Variants in CTNNA2 observed in about 807,000 individuals in gnomAD.
CTNNA2 encodes catenin alpha 2.
CTNNA2 carries 42 observed loss-of-function variants against 101.0 expected under a neutral mutation model. That is an observed-to-expected ratio of 0.42 (90% CI 0.32 to 0.54). The LOEUF (loss-of-function observed/expected upper bound fraction) is 0.54, where lower values mean the gene tolerates loss of function less well. Among genes scored for constraint, CTNNA2 ranks in the 20% least tolerant of loss-of-function variants. The pLI is 0.14. For synonymous variants in CTNNA2, 450 were observed against 456.4 expected, an observed-to-expected ratio of 0.99 and a Z score of 0.18; for missense variants, 871 against 1,223.1, an observed-to-expected ratio of 0.71 and a Z score of 4.29.
intron 3 of CTNNA2, among the ~76,000 whole-genome samples, chr2:79,344,883 A>C (rs986884379): frequency 1.4e-5 from 2 of 146,390 alleles, no homozygotes; most frequent in Non-Finnish European, 3.0e-5. Context: ...TATATATAAT[A>C]TATATATAAA....
At chr2:79,486,527 A>G (rs1053738633) in intron 4 of CTNNA2, among the ~76,000 whole-genome samples, 3 of 152,158 alleles carry the variant, frequency 2.0e-5, no homozygotes, top group African/African-American at 4.8e-5. Flanking sequence ...TGGTGCCACA[A>G]TAAACATACG....
intron 2 of CTNNA2, among the ~76,000 whole-genome samples, chr2:79,732,881 G>C (rs1444618500): frequency 6.6e-6 from 1 of 152,020 alleles, no homozygotes; most frequent in Non-Finnish European, 1.5e-5. Flanking sequence ...ATGTTTGCCA[G>C]TTGGGAGAAA....
intron 3 of CTNNA2, among the ~76,000 whole-genome samples, chr2:79,854,486 T>C (rs1030233733): frequency 1.3e-5 from 2 of 152,224 alleles, no homozygotes; most frequent in African/African-American, 4.8e-5. Flanking sequence ...AGCTCACATA[T>C]TTGGTAATAG....
At chr2:79,559,041 A>C (rs548778341) in intron 1 of CTNNA2, among the ~76,000 whole-genome samples, 2 of 151,866 alleles carry the variant, frequency 1.3e-5, no homozygotes, top group Non-Finnish European at 1.5e-5. Flanking sequence ...TCATACACTC[A>C]GCACCTATTA....
chr2:79,736,085 A>C (rs548369907), intron 2 of CTNNA2, among the ~76,000 whole-genome samples: 1 of 152,158 alleles, frequency 6.6e-6, no homozygotes, highest in Non-Finnish European at 1.5e-5. Flanking sequence ...AGTTTCTGTG[A>C]AAGTTTTATC....
intron 9 of CTNNA2, among the ~76,000 whole-genome samples, chr2:80,451,919 G>A (rs1259133675): frequency 6.6e-6 from 1 of 152,010 alleles, no homozygotes; most frequent in Non-Finnish European, 1.5e-5. Context: ...TACTAGAATA[G>A]GTTTAAGATA....
intron 1 of CTNNA2, among the ~76,000 whole-genome samples, chr2:79,536,807 T>C (rs1367112187): frequency 6.6e-6 from 1 of 151,546 alleles, no homozygotes; most frequent in Non-Finnish European, 1.5e-5. Context: ...GTTCAAGGAG[T>C]TCTCCTGCCT....
intron 7 of CTNNA2, chr2:80,028,247 A>G (rs1039604604): frequency 3.3e-5 from 5 of 152,004 alleles, no homozygotes; most frequent in African/African-American, 1.2e-4. Flanking sequence ...CCTCTTCCAT[A>G]TGACTTGTTG....
intron 18 of CTNNA2, among the ~76,000 whole-genome samples, chr2:80,635,770 C>A (rs999087873): frequency 2.9e-5 from 4 of 139,604 alleles, no homozygotes; most frequent in Admixed American, 2.2e-4. Context: ...TAGTGTTTGA[C>A]TGAGCTATGT....
intron 3 of CTNNA2, among the ~76,000 whole-genome samples, chr2:79,783,354 A>G (rs1308429376): frequency 6.6e-6 from 1 of 152,206 alleles, no homozygotes; most frequent in African/African-American, 2.4e-5. Flanking sequence ...TAGTATATCT[A>G]GTTAGCAGAA....
intron 3 of CTNNA2, among the ~76,000 whole-genome samples, chr2:79,776,760 C>T (rs771224604): frequency 6.6e-6 from 1 of 152,166 alleles, no homozygotes; most frequent in Non-Finnish European, 1.5e-5. Flanking sequence ...AATACATTTC[C>T]TAATTATGGA....
intron 1 of CTNNA2, among the ~76,000 whole-genome samples, chr2:79,613,003 A>G (rs983317388): frequency 6.6e-6 from 1 of 152,128 alleles, no homozygotes; most frequent in Non-Finnish European, 1.5e-5. Flanking sequence ...TGCTTTGTGC[A>G]GTATTATTTT....
At chr2:79,449,550 TA>T (rs1273916873) in intron 4 of CTNNA2, among the ~76,000 whole-genome samples, 1 of 151,996 alleles carries the variant, frequency 6.6e-6, no homozygotes, top group Non-Finnish European at 1.5e-5. Flanking sequence ...GGTAACTCGT[TA>T]AAAAATAAAA....
intron 1 of CTNNA2, among the ~76,000 whole-genome samples, chr2:79,595,210 T>TC (rs1232494213): frequency 6.6e-6 from 1 of 152,224 alleles, no homozygotes; most frequent in Non-Finnish European, 1.5e-5. Context: ...TTGTCTTTTT[T>TC]CATAGGTCTT....
rs1239032102 is a variant in CTNNA2, at chr2:79,345,752, GCA to G, written c.-317-28076_-317-28075del. Among the ~76,000 whole-genome samples, 9 of 152,104 alleles carry G rather than the reference GCA, an allele frequency of 5.9e-5. No individual in the cohort carries two copies. The East Asian group carries it at 1.2e-3, about 20-fold the overall frequency. On this transcript the variant is annotated intron_variant, in intron 3 of 21. Transcript: ENST00000466387. ...TTGTTGCCCAGGCTGGAGTGTAGTG[GCA>G]CAGTTTCGACTCACTGCAACCTCCG...
chr2:80,206,333 G>T (rs1273200072), intron 7 of CTNNA2, among the ~76,000 whole-genome samples: 1 of 152,198 alleles, frequency 6.6e-6, no homozygotes, highest in African/African-American at 2.4e-5. Context: ...GCATAGCCTT[G>T]CTGGGGAGAG....
intron 2 of CTNNA2, among the ~76,000 whole-genome samples, chr2:79,724,586 C>A (rs13026776): frequency 0.17 from 25,266 of 151,808 alleles, 2,381 homozygotes; most frequent in Middle Eastern, 0.23. Flanking sequence ...GAGGCTGAGG[C>A]GGTCGCATCA....
At chr2:80,415,833 A>G (rs546013023) in intron 8 of CTNNA2, among the ~76,000 whole-genome samples, 3 of 152,324 alleles carry the variant, frequency 2.0e-5, no homozygotes, top group East Asian at 1.9e-4. Context: ...ATAAATAGAT[A>G]TATACACAAT....
intron 7 of CTNNA2, among the ~76,000 whole-genome samples, chr2:80,205,383 C>T (rs984412285): frequency 6.6e-6 from 1 of 152,192 alleles, no homozygotes; most frequent in Non-Finnish European, 1.5e-5. Context: ...TTAGCTTTCT[C>T]AATAGCTCTC....
Sources: gnomAD v4.1 joint callset for allele counts (sites outside exome capture counted in the v4.1 genomes callset) on GRCh38, gnomAD v4.1.1 for gene constraint, MANE v1.5 for transcripts, NCBI Gene and HGNC (gene_info 2026-07-23, HGNC 2026-07-21) for gene names.